Variants in FAM110B observed in about 807,000 individuals in gnomAD.
The protein encoded by FAM110B is family with sequence similarity 110 member B.
In FAM110B, 6 loss-of-function variants were observed where a neutral mutation model predicts 20.4. The observed-to-expected ratio is 0.29, with a 90% CI of 0.16 to 0.58. The LOEUF is 0.58. FAM110B is among the 20% of genes least tolerant of loss of function. The pLI is 0.90. For synonymous variants in FAM110B, 226 were observed against 214.1 expected, an observed-to-expected ratio of 1.06 and a Z score of -0.49; for missense variants, 434 against 498.2, an observed-to-expected ratio of 0.87 and a Z score of 1.23.
chr8:58,042,447 C>T (rs1441091970), intron 2 of FAM110B, among the ~76,000 whole-genome samples: 1 of 152,138 alleles, frequency 6.6e-6, no homozygotes, highest in African/African-American at 2.4e-5. Context: ...CCTATCTATT[C>T]CTAGTTTAGT....
At chr8:58,006,274 A>T (rs138082387) in intron 1 of FAM110B, among the ~76,000 whole-genome samples, 37 of 152,344 alleles carry the variant, frequency 2.4e-4, no homozygotes, top group Middle Eastern at 3.4e-3. Flanking sequence ...CTCTGAGTTC[A>T]CTTTTAGACT....
chr8:58,111,700 A>T (rs1807062011), intron 3 of FAM110B, among the ~76,000 whole-genome samples: 1 of 152,206 alleles, frequency 6.6e-6, no homozygotes, highest in African/African-American at 2.4e-5. Context: ...TTCCATCCTT[A>T]CATAAACATG....
intron 3 of FAM110B, among the ~76,000 whole-genome samples, chr8:58,120,935 T>C (rs1246971190): frequency 1.3e-5 from 2 of 152,120 alleles, no homozygotes; most frequent in Non-Finnish European, 2.9e-5. Flanking sequence ...ATAAGAAACA[T>C]GGGAGAAACA....
chr8:58,136,090 C>A (rs967329592), intron 3 of FAM110B, among the ~76,000 whole-genome samples: 4 of 146,390 alleles, frequency 2.7e-5, no homozygotes, highest in African/African-American at 1.0e-4. Context: ...CGGCTCACTG[C>A]AACCTCTGCC....
At chr8:58,131,422 C>A (rs1453420495) in intron 3 of FAM110B, among the ~76,000 whole-genome samples, 2 of 152,142 alleles carry the variant, frequency 1.3e-5, no homozygotes, top group Non-Finnish European at 2.9e-5. Flanking sequence ...CTGCTCCCAG[C>A]CCATGCTACT....
At chr8:58,068,466 A>T (rs1343942156) in intron 2 of FAM110B, among the ~76,000 whole-genome samples, 1 of 152,218 alleles carries the variant, frequency 6.6e-6, no homozygotes, top group Non-Finnish European at 1.5e-5. Flanking sequence ...TTTGTGGTAC[A>T]CAAAGATTGG....
At position 57,994,603 on chromosome 8, in the gene FAM110B, G is replaced by A. The variant is rs568628343; in HGVS notation, c.-715G>A. 1 of 152,396 alleles carries A rather than the reference G, an allele frequency of 6.6e-6. No homozygotes were observed. Among genetic ancestry groups the A allele is most frequent in the Non-Finnish European group, 1.5e-5 (1 of 68,200 alleles). The allele number at this position is 152,396 out of a possible 1,614,324, so 9.4% of individuals were successfully genotyped here. On this transcript the variant is annotated 5_prime_UTR_variant, in exon 1 of 4. Transcript: ENST00000519262. ...GGCCGCCGCCAGCCGGGCCCTTCGCGGCCGCGCGTCCTGGGCCCGTTCCGC... is the reference window on the plus strand; with the variant it reads ...GGCCGCCGCCAGCCGGGCCCTTCGCAGCCGCGCGTCCTGGGCCCGTTCCGC...
At chr8:58,084,735 A>T (rs1806289875) in intron 3 of FAM110B, among the ~76,000 whole-genome samples, 1 of 152,010 alleles carries the variant, frequency 6.6e-6, no homozygotes, top group South Asian at 2.1e-4. Context: ...TCTTACCACC[A>T]TGTACACCTT....
At chr8:58,120,920 T>A (rs1198986163) in intron 3 of FAM110B, among the ~76,000 whole-genome samples, 1 of 152,110 alleles carries the variant, frequency 6.6e-6, no homozygotes, top group Non-Finnish European at 1.5e-5. Context: ...AGGCGGAGTG[T>A]CCCCATAAGA....
chr8:58,147,060 T>C lies in FAM110B; in HGVS notation c.830T>C (p.Phe277Ser). 1 of 1,614,174 alleles carries C rather than the reference T, an allele frequency of 6.2e-7. No homozygotes were observed. ...YFRVDADVER[F>S]FNYCGLDPEE... The stretch of plus-strand genomic sequence containing the variant: ...CGAGTGGACGCGGACGTGGAGAGGT[T>C]CTTCAACTACTGTGGACTGGACCCG... The change falls in exon 4 of 4, where the codon TTC (phenylalanine) becomes TCC (serine). Residue 277 changes from phenylalanine to serine, a missense_variant. Phe to Ser is a radical substitution (Grantham distance 155, BLOSUM62 -2). Coordinates refer to ENST00000519262, the MANE Select transcript of FAM110B (RefSeq NM_001377989.1).
chr8:58,007,735 G>A (rs1763828941), intron 1 of FAM110B, among the ~76,000 whole-genome samples: 1 of 152,168 alleles, frequency 6.6e-6, no homozygotes, highest in African/African-American at 2.4e-5. Flanking sequence ...GGATCTGCTG[G>A]CCTTGATCTT....
chr8:58,082,583 C>T (rs78031520), intron 3 of FAM110B, among the ~76,000 whole-genome samples: 2,700 of 152,308 alleles, frequency 0.018, 36 homozygotes, highest in Non-Finnish European at 0.028. Context: ...ATTTTTCTGT[C>T]TCTCTCTAAT....
chr8:58,128,564 G>GA (rs925186003), intron 3 of FAM110B, among the ~76,000 whole-genome samples: 26 of 149,676 alleles, frequency 1.7e-4, no homozygotes, highest in Non-Finnish European at 2.2e-4. Flanking sequence ...TACTTTTCAG[G>GA]AAAAAAAAAA....
chr8:58,103,083 T>A (rs1354474896), intron 3 of FAM110B, among the ~76,000 whole-genome samples: 1 of 152,002 alleles, frequency 6.6e-6, no homozygotes, highest in African/African-American at 2.4e-5. Context: ...GTTTAAAATT[T>A]GCTGAACTTT....
chr8:57,999,119 G>A (rs1347753657), intron 1 of FAM110B, among the ~76,000 whole-genome samples: 1 of 152,164 alleles, frequency 6.6e-6, no homozygotes, highest in Non-Finnish European at 1.5e-5. Flanking sequence ...AGTATGTTTG[G>A]TGATAAAAAT....
At chr8:58,064,898 CT>C (rs1250225352) in intron 2 of FAM110B, among the ~76,000 whole-genome samples, 18 of 152,080 alleles carry the variant, frequency 1.2e-4, no homozygotes, top group African/African-American at 3.9e-4. Flanking sequence ...TAATTTCCCC[CT>C]AGGAATGTCA....
intron 3 of FAM110B, among the ~76,000 whole-genome samples, chr8:58,140,038 A>C (rs1489661244): frequency 2.6e-5 from 4 of 152,310 alleles, no homozygotes; most frequent in African/African-American, 9.6e-5. Context: ...GCAGGAATGG[A>C]CACAGTGGGT....
intron 2 of FAM110B, among the ~76,000 whole-genome samples, chr8:58,040,977 T>C (rs1348165846): frequency 1.3e-5 from 2 of 149,368 alleles, no homozygotes; most frequent in African/African-American, 5.0e-5. Flanking sequence ...GTTTCACTCT[T>C]GTTGCCCAGT....
chr8:58,123,798 G>A (rs568372505), intron 3 of FAM110B, among the ~76,000 whole-genome samples: 13 of 152,204 alleles, frequency 8.5e-5, no homozygotes, highest in African/African-American at 2.6e-4. Context: ...ACTTGTTTTC[G>A]TAGCTGTCGT....
Sources: allele counts gnomAD v4.1 joint callset (sites outside exome capture counted in the v4.1 genomes callset), GRCh38; gene constraint gnomAD v4.1.1; transcripts MANE v1.5; gene names NCBI Gene and HGNC (gene_info 2026-07-23, HGNC 2026-07-21).